SMARCE1: variants seen among roughly 807,000 people sequenced by gnomAD.
The protein encoded by SMARCE1 is SWI/SNF related BAF chromatin remodeling complex subunit E1, also known as SWI/SNF-related matrix-associated actin-dependent regulator of chromatin subfamily E member 1.
In SMARCE1, 13 loss-of-function variants were observed where a neutral mutation model predicts 54.9. The observed-to-expected ratio is 0.24, with a 90% confidence interval of 0.15 to 0.38. SMARCE1 has a LOEUF of 0.38. Ranked by LOEUF, SMARCE1 falls within the 10% of genes least tolerant of loss-of-function variation. The pLI is 1.00. For missense variants in SMARCE1, 295 were observed against 523.8 expected (o/e 0.56, Z 4.26); for synonymous variants, 151 against 175.3 (o/e 0.86, Z 1.10).
chr17:40,632,743 A>T (rs2037107637), intron 7 of SMARCE1: 1 of 177,698 alleles, frequency 5.6e-6, no homozygotes, highest in Non-Finnish European at 1.2e-5. Flanking sequence ...TAAGGCATTT[A>T]ACAACTAATG....
chr17:40,643,508 A>G (rs1456475173), intron 3 of SMARCE1: 1 of 152,232 alleles, frequency 6.6e-6, no homozygotes, highest in African/African-American at 2.4e-5. Flanking sequence ...TGGGGCTAAT[A>G]CAATGACACT....
Position 40,642,513 on chromosome 17 carries a change from T to C in SMARCE1, c.98A>G (p.His33Arg). 1.2e-6 allele frequency: 2 copies of C among 1,612,622 alleles called. No individual in the cohort carries two copies. The highest frequency in any genetic ancestry group is 1.7e-6 in the Non-Finnish European group (2 of 1,179,732). Residue 33 changes from histidine (H) to arginine (R), a missense_variant, in exon 4 of 11, where the codon CAT becomes CGT. This residue lies in a region of SMARCE1 where 30 missense variants were observed against 91.3 expected (regional missense o/e 0.33). Transcript: ENST00000348513. This position sits in a 1 kb window ranked among gnomAD's most constrained non-coding sequence, Gnocchi z 4.6. ...PGFVGYNPYS[H>R]LAYNNYRLGG... ...CAGCCTGTAGTTGTTGTAGGCGAGA[T>C]GACTGTATGGATTGTATCCCACAAA...
chr17:40,633,010 T>C (rs987745334), intron 7 of SMARCE1: 1 of 152,238 alleles, frequency 6.6e-6, no homozygotes, highest in Non-Finnish European at 1.5e-5. Flanking sequence ...CTGGTTTATA[T>C]GCTTCTGTTT....
chr17:40,630,117 G>GT, intron 10 of SMARCE1: 1 of 707,944 alleles, frequency 1.4e-6, no homozygotes, highest in Admixed American at 2.4e-5. Context: ...GTGCCATGAG[G>GT]TAAGGTGATC....
In SMARCE1 at chr17:40,642,459, A is replaced by C. The variant is rs1597749716; in HGVS notation, c.152T>G (p.Val51Gly). 2 of 1,580,732 alleles carry C rather than the reference A, an allele frequency of 1.3e-6. No homozygotes were observed. Among genetic ancestry groups the C allele is most frequent in the Non-Finnish European group, 1.7e-6 (2 of 1,149,716 alleles). ...LGGNPGTNSR[V>G]TASSGITIPK... The stretch of plus-strand genomic sequence containing the variant: ...TGTAATAGTTGATTCTCCTACCGTG[A>C]CCCGGCTGTTGGTGCCCGGGTTCCC... Residue 51 changes from valine (V) to glycine (G), a missense_variant, in exon 4 of 11, where the codon GTC becomes GGC. Val to Gly is a moderately radical substitution (Grantham distance 109). Around this residue, in one of 5 missense-constraint regions of SMARCE1, gnomAD observed 30 missense variants for 91.3 expected, o/e 0.33. Coordinates refer to ENST00000348513, the MANE Select transcript of SMARCE1 (RefSeq NM_003079.5). The surrounding 1 kb of genome is among the most constrained non-coding windows in gnomAD (Gnocchi z 4.6).
chr17:40,645,866 G>GAAA lies in SMARCE1; in HGVS notation c.-45-22_-45-20dup. On this transcript the variant is annotated intron_variant, in intron 1 of 10. Transcript: ENST00000348513. ...TGAGACACTAAAATAAAAAAAAAAG[G>GAAA]AAAAAAAAAAGAGAATCAAAACTCA... 1.5e-6 allele frequency: 1 copy of GAAA among 667,722 alleles called. No homozygotes were observed. The allele number at this position is 667,722 out of a possible 1,614,324, so 41.4% of individuals were successfully genotyped here.
Position 40,636,407 on chromosome 17 carries a change from G to A in SMARCE1, c.357C>T (p.Tyr119=), listed in dbSNP as rs770298495. 8.7e-6 allele frequency: 14 copies of A among 1,611,222 alleles called. No individual in the cohort carries two copies. The African/African-American group carries it at 9.3e-5, about 11-fold the overall frequency. Reference sequence around the variant, plus strand: ...GCCCCTACCCTACCTTTTCTGCTTCGTATTCGTTTAAATATTCTTGTTTTT... The same window carrying A: ...GCCCCTACCCTACCTTTTCTGCTTCATATTCGTTTAAATATTCTTGTTTTT... The part of the protein sequence containing the change: ...DEEKQEYLNE[Y]EAEKIEYNES... The change falls in exon 6 of 11, where the codon TAC becomes TAT. Residue 119 remains tyrosine, a synonymous_variant. Transcript: ENST00000348513.
chr17:40,644,454 T>C (rs948941703), intron 3 of SMARCE1: 1 of 152,134 alleles, frequency 6.6e-6, no homozygotes, highest in Non-Finnish European at 1.5e-5. Context: ...TCCACCTGTA[T>C]AGCCACTAGC....
chr17:40,631,152 A>AG (rs1244714566), intron 9 of SMARCE1: 1 of 453,130 alleles, frequency 2.2e-6, no homozygotes, highest in Non-Finnish European at 3.8e-6. Context: ...AGGATATTCC[A>AG]GAGCAGCTGG....
intron 3 of SMARCE1, chr17:40,643,568 A>G (rs2037219918): frequency 6.6e-6 from 1 of 152,250 alleles, no homozygotes; most frequent in Non-Finnish European, 1.5e-5. Context: ...TATAGTAGAG[A>G]GAGACCAAAA....
chr17:40,632,388 T>A, intron 7 of SMARCE1, 21 bp from the exon 8 acceptor site: 1 of 1,608,090 alleles, frequency 6.2e-7, no homozygotes. Context: ...CAAATTGTTC[T>A]GGAAATCAGG....
intron 10 of SMARCE1, chr17:40,629,534 T>C: frequency 8.2e-7 from 1 of 1,226,574 alleles, no homozygotes; most frequent in Non-Finnish European, 1.0e-6. Context: ...GTTGGTCTTT[T>C]AGACACTTTG....
Position 40,636,117 on chromosome 17 carries a change from T to C in SMARCE1, c.370-15A>G. Reference sequence around the variant, plus strand: ...TTGTACTCTATCTGAAATTCAAATGTTTTTTGGTTTTATAATTAACATTTT... The same window carrying C: ...TTGTACTCTATCTGAAATTCAAATGCTTTTTGGTTTTATAATTAACATTTT... On this transcript the variant is annotated splice_polypyrimidine_tract_variant and intron_variant, in intron 6 of 10. Transcript: ENST00000348513. 1.9e-6 allele frequency: 3 copies of C among 1,581,536 alleles called. No individual in the cohort carries two copies. The highest frequency in any genetic ancestry group is 2.6e-6 in the Non-Finnish European group (3 of 1,165,512).
Position 40,626,212 on chromosome 17 carries a change from C to CA in SMARCE1, c.*2572dup, listed in dbSNP as rs1024119182. On this transcript the variant is annotated 3_prime_UTR_variant, in exon 11 of 11. Transcript: ENST00000348513. ...ATTACACTCCAGCCTGGGCAACAGT[C>CA]AGACTGTCTCAAAAAAAAAGGAAAA... The CA allele has an allele frequency of 4.0e-5, 6 of 151,842 alleles. No homozygotes were observed. Among genetic ancestry groups the CA allele is most frequent in the Non-Finnish European group, 8.8e-5 (6 of 67,956 alleles). 9.4% of individuals were successfully genotyped at this position (151,842 alleles called of 1,614,324 possible).
intron 3 of SMARCE1, chr17:40,644,694 G>GT (rs1223860979): frequency 2.0e-5 from 3 of 152,170 alleles, no homozygotes; most frequent in African/African-American, 7.2e-5. Flanking sequence ...AATATGAGTA[G>GT]TTTTTTAGCG....
chr17:40,629,169 T>A, intron 10 of SMARCE1, 176 bp from the exon 11 acceptor site: 1 of 572,210 alleles, frequency 1.7e-6, no homozygotes, highest in Non-Finnish European at 3.1e-6. Context: ...AATTTGGGTA[T>A]GAAAATCTAC....
chr17:40,647,623 T>C (rs1048389164), intron 1 of SMARCE1, 150 bp downstream of exon 1: 2 of 152,850 alleles, frequency 1.3e-5, no homozygotes, highest in Admixed American at 1.3e-4. Flanking sequence ...CTCGCTCTGC[T>C]AGGCCTCAAG....
Position 40,637,461 on chromosome 17 carries a change from C to T in SMARCE1, c.237+31G>A, listed in dbSNP as rs2037157878. The T allele has an allele frequency of 2.0e-6, 3 of 1,523,660 alleles. No homozygotes were observed. In the African/African-American group the frequency reaches 4.1e-5, roughly 21 times the overall value. The allele number at this position is 1,523,660 out of a possible 1,614,324, so 94.4% of individuals were successfully genotyped here. A position where few individuals can be genotyped will look rare whatever the true frequency, so the allele number is the denominator to read the frequency against. On this transcript the variant is annotated intron_variant, in intron 5 of 10. Coordinates refer to ENST00000348513, the MANE Select transcript of SMARCE1 (RefSeq NM_003079.5). ...AGCAAAGAAGCAGCAAAGACAGTGTCCTCACTCCTTACCAGGTCCTAAGCA... is the reference window on the plus strand; with the variant it reads ...AGCAAAGAAGCAGCAAAGACAGTGTTCTCACTCCTTACCAGGTCCTAAGCA...
At position 40,625,616 on chromosome 17, in the gene SMARCE1, G is replaced by C. The variant is rs1157841854; in HGVS notation, c.*3169C>G. 3 of 152,166 alleles carry C rather than the reference G, an allele frequency of 2.0e-5. No homozygotes were observed. Among genetic ancestry groups the C allele is most frequent in the African/African-American group, 7.2e-5 (3 of 41,416 alleles). The allele number at this position is 152,166 out of a possible 1,614,324, so 9.4% of individuals were successfully genotyped here. On this transcript the variant is annotated 3_prime_UTR_variant, in exon 11 of 11. Coordinates refer to ENST00000348513, the MANE Select transcript of SMARCE1 (RefSeq NM_003079.5). ...AGCTTCAATTTAACTGCAGGCAATAGGAGTTTCACACTGTCAGCACCAACT... is the reference window on the plus strand; with the variant it reads ...AGCTTCAATTTAACTGCAGGCAATACGAGTTTCACACTGTCAGCACCAACT...
Sources: gnomAD v4.1 joint callset for allele counts on GRCh38, gnomAD v4.1.1 for gene constraint, gnomAD v4.1.1 regional missense constraint, Gnocchi (gnomAD v3.1) non-coding constraint, MANE v1.5 for transcripts, NCBI Gene and HGNC (gene_info 2026-07-23, HGNC 2026-07-21) for gene names.